TAFA5: variants seen among roughly 807,000 people sequenced by gnomAD.
TAFA5 encodes chemokine-like protein TAFA-5.
TAFA5 carries 6 observed loss-of-function variants against 15.3 expected under a neutral mutation model. The ratio of observed to expected loss-of-function variants is 0.39; its 90% CI spans 0.21 to 0.77. TAFA5 has a LOEUF of 0.77. Ranked by LOEUF, TAFA5 falls within the 30% of genes least tolerant of loss-of-function variation. TAFA5 has a pLI of 0.41. For synonymous variants in TAFA5, 103 were observed against 80.7 expected, an observed-to-expected ratio of 1.28 and a Z score of -1.48; for missense variants, 161 against 193.1, an observed-to-expected ratio of 0.83 and a Z score of 0.98.
At chr22:48,605,330 GTGA>G (rs1327352284) in intron 1 of TAFA5, among the ~76,000 whole-genome samples, 7 of 6,768 alleles carry the variant, frequency 1.0e-3, no homozygotes, top group African/African-American at 2.3e-3. Flanking sequence ...GGTGATGATG[GTGA>G]TGATGGTGAT....
intron 3 of TAFA5, among the ~76,000 whole-genome samples, chr22:48,723,226 A>G (rs1929621874): frequency 6.6e-6 from 1 of 152,108 alleles, no homozygotes; most frequent in Non-Finnish European, 1.5e-5. Flanking sequence ...CCCCTTCCAA[A>G]TGGCTTCTGC....
intron 1 of TAFA5, among the ~76,000 whole-genome samples, chr22:48,496,045 T>A (rs1469740458): frequency 6.6e-6 from 1 of 152,204 alleles, no homozygotes; most frequent in Non-Finnish European, 1.5e-5. Flanking sequence ...CCCGGCTTAC[T>A]CCCTAAATGC....
At chr22:48,748,342 C>T (rs886157733) in intron 3 of TAFA5, among the ~76,000 whole-genome samples, 3 of 152,248 alleles carry the variant, frequency 2.0e-5, no homozygotes, top group South Asian at 2.1e-4. Flanking sequence ...GACCGAGCGC[C>T]CGTGGACCCA....
intron 1 of TAFA5, among the ~76,000 whole-genome samples, chr22:48,635,831 C>T (rs995937222): frequency 6.6e-6 from 1 of 152,250 alleles, no homozygotes; most frequent in African/African-American, 2.4e-5. Context: ...GGGGGCTGAG[C>T]AGCCCCAGTC....
At chr22:48,649,289 C>G (rs1926973098) in intron 2 of TAFA5, among the ~76,000 whole-genome samples, 1 of 152,204 alleles carries the variant, frequency 6.6e-6, no homozygotes, top group Non-Finnish European at 1.5e-5. Flanking sequence ...TCTATCTTCC[C>G]TAGACCTAGC....
intron 2 of TAFA5, among the ~76,000 whole-genome samples, chr22:48,683,237 C>T (rs1400160685): frequency 6.6e-6 from 1 of 152,154 alleles, no homozygotes; most frequent in Non-Finnish European, 1.5e-5. Flanking sequence ...CTCGGACAGG[C>T]CCGGATGTTC....
intron 1 of TAFA5, among the ~76,000 whole-genome samples, chr22:48,606,027 G>A (rs1275637772): frequency 1.3e-5 from 2 of 152,194 alleles, no homozygotes; most frequent in Non-Finnish European, 2.9e-5. Context: ...AGCCTGGTGA[G>A]CCTGATGAGT....
chr22:48,608,379 A>G (rs1392251899), intron 1 of TAFA5, among the ~76,000 whole-genome samples: 2 of 151,940 alleles, frequency 1.3e-5, no homozygotes, highest in Non-Finnish European at 2.9e-5. Context: ...GTGCGCTGAA[A>G]TACGGTTTTG....
intron 2 of TAFA5, chr22:48,693,496 G>A: frequency 1.3e-6 from 2 of 1,539,056 alleles, no homozygotes; most frequent in South Asian, 1.2e-5. Flanking sequence ...AGCATAGCCT[G>A]AGGTCCCAGA....
At chr22:48,561,835 G>A (rs930204251) in intron 1 of TAFA5, among the ~76,000 whole-genome samples, 8 of 152,212 alleles carry the variant, frequency 5.3e-5, no homozygotes, top group African/African-American at 1.7e-4. Flanking sequence ...GGCTCAGCAC[G>A]GCTGCGTGGG....
At chr22:48,565,722 A>G (rs1923386105) in intron 1 of TAFA5, among the ~76,000 whole-genome samples, 1 of 152,234 alleles carries the variant, frequency 6.6e-6, no homozygotes, top group Non-Finnish European at 1.5e-5. Context: ...AGGAACACAC[A>G]TGCTGGCTTC....
intron 2 of TAFA5, among the ~76,000 whole-genome samples, chr22:48,698,291 C>G (rs1489780537): frequency 6.6e-6 from 1 of 151,794 alleles, no homozygotes; most frequent in South Asian, 2.1e-4. Flanking sequence ...GCCTGGCCAA[C>G]ATGGTGAAAC....
At position 48,617,574 on chromosome 22, in the gene TAFA5, C is replaced by G. The variant is rs538734873; in HGVS notation, c.113-29023C>G. ...TCGCAGAACCTCGGCACTCACTGTC[C>G]TCACTGTCGTCACCTCTCAGGCTGA... is the stretch of plus-strand genomic sequence containing the variant. On this transcript the variant is annotated intron_variant, in intron 1 of 3. Transcript: ENST00000402357. 4.6e-5 allele frequency among the ~76,000 whole-genome samples: 7 copies of G among 152,362 alleles called. No individual in the cohort carries two copies. In the South Asian group the frequency reaches 1.5e-3, roughly 32 times the overall value.
intron 1 of TAFA5, among the ~76,000 whole-genome samples, chr22:48,561,779 G>A (rs1923239924): frequency 6.6e-6 from 1 of 152,236 alleles, no homozygotes; most frequent in Admixed American, 6.5e-5. Context: ...CAGACGTTGA[G>A]TCACTGACCT....
At chr22:48,659,187 T>C (rs991397550) in intron 2 of TAFA5, among the ~76,000 whole-genome samples, 1 of 152,218 alleles carries the variant, frequency 6.6e-6, no homozygotes, top group Non-Finnish European at 1.5e-5. Flanking sequence ...CTCTGGGCCC[T>C]CGTCCACCCA....
intron 1 of TAFA5, among the ~76,000 whole-genome samples, chr22:48,606,709 G>C (rs1037888661): frequency 6.6e-6 from 1 of 152,216 alleles, no homozygotes; most frequent in Non-Finnish European, 1.5e-5. Context: ...GCCTGGATTA[G>C]CGATCGCTGC....
intron 2 of TAFA5, among the ~76,000 whole-genome samples, chr22:48,691,016 T>C (rs1256218060): frequency 6.6e-6 from 1 of 151,842 alleles, no homozygotes; most frequent in African/African-American, 2.4e-5. Flanking sequence ...TGCTTGACCC[T>C]CCTGAGCGCC....
intron 2 of TAFA5, among the ~76,000 whole-genome samples, chr22:48,674,273 C>T (rs1182361249): frequency 3.3e-5 from 5 of 152,128 alleles, no homozygotes; most frequent in South Asian, 4.2e-4. Flanking sequence ...TTTGGGCCTC[C>T]GGCATTGCTC....
rs1043049851 is a variant in TAFA5 at position 48,586,598 on chromosome 22, C to A, written c.113-59999C>A. On this transcript the variant is annotated intron_variant, in intron 1 of 3. Transcript: ENST00000402357. ...GAGCAGATGAGGCCACAGGCACTGG[C>A]CACAGGACTGCGCTGTCTGGAGAGG... 6.6e-5 allele frequency among the ~76,000 whole-genome samples: 10 copies of A among 152,354 alleles called. No homozygotes were observed. The East Asian group carries it at 1.4e-3, about 21-fold the overall frequency.
Sources: allele counts gnomAD v4.1 joint callset (sites outside exome capture counted in the v4.1 genomes callset), GRCh38; gene constraint gnomAD v4.1.1; transcripts MANE v1.5; gene names NCBI Gene and HGNC (gene_info 2026-07-23, HGNC 2026-07-21).